Variants in FBXO34 observed in about 807,000 individuals in gnomAD.
FBXO34 encodes F-box protein 34.
In FBXO34, 12 loss-of-function variants were observed where a neutral mutation model predicts 24.5. The observed-to-expected ratio is 0.49, with a 90% confidence interval of 0.31 to 0.79. FBXO34 has a LOEUF of 0.79. Ranked by LOEUF, FBXO34 falls within the 30% of genes least tolerant of loss-of-function variation. The pLI is 0.04. For missense variants in FBXO34, 823 were observed against 857.7 expected (o/e 0.96, Z 0.51); for synonymous variants, 320 against 311.9 (o/e 1.03, Z -0.27).
At chr14:55,299,180 A>G in intron 1 of FBXO34, 1 of 1,014,178 alleles carries the variant, frequency 9.9e-7, no homozygotes, top group Non-Finnish European at 1.6e-6. Flanking sequence ...CAGTCCCTCT[A>G]CCAAATGTTC....
the FBXO34 span, among the ~76,000 whole-genome samples, chr14:55,410,124 T>C: frequency 6.6e-6 from 1 of 152,190 alleles, no homozygotes; most frequent in African/African-American, 2.4e-5. Flanking sequence ...TGACATTTAC[T>C]GGGTTGGGAT....
intron 1 of FBXO34, among the ~76,000 whole-genome samples, chr14:55,291,932 C>T (rs372393138): frequency 2.2e-4 from 33 of 152,190 alleles, no homozygotes; most frequent in African/African-American, 7.5e-4. Context: ...CACCACCGCT[C>T]TCCAGCCTGC....
chr14:55,295,127 G>A (rs943393469), intron 1 of FBXO34, among the ~76,000 whole-genome samples: 1 of 152,226 alleles, frequency 6.6e-6, no homozygotes, highest in East Asian at 1.9e-4. Flanking sequence ...TTGCGCCATC[G>A]TAAAGTCAAA....
At chr14:55,295,341 A>G (rs920567124) in intron 1 of FBXO34, among the ~76,000 whole-genome samples, 2 of 144,894 alleles carry the variant, frequency 1.4e-5, no homozygotes, top group Non-Finnish European at 3.0e-5. Flanking sequence ...TTTTATGTAT[A>G]TTATCTATTC....
the FBXO34 span, among the ~76,000 whole-genome samples, chr14:55,406,533 G>A: frequency 5.3e-5 from 8 of 152,104 alleles, no homozygotes; most frequent in South Asian, 2.1e-4. Flanking sequence ...ATTGACAGTC[G>A]GTAAAAATCC....
the FBXO34 span, among the ~76,000 whole-genome samples, chr14:55,399,651 A>G: frequency 6.6e-6 from 1 of 152,234 alleles, no homozygotes; most frequent in African/African-American, 2.4e-5. Flanking sequence ...AAAATGAGAG[A>G]CTAATATAGT....
At chr14:55,381,916 A>G in the FBXO34 span, 2 of 1,526,864 alleles carry the variant, frequency 1.3e-6, no homozygotes, top group Non-Finnish European at 1.8e-6. Flanking sequence ...AATTTTACCT[A>G]TAACTCTCTC....
At chr14:55,411,948 G>T in the FBXO34 span, 3 of 832,540 alleles carry the variant, frequency 3.6e-6, no homozygotes. Context: ...CTCCGCCGCC[G>T]CGTGTTCCTG....
At chr14:55,313,205 A>G (rs1203047441) in intron 1 of FBXO34, among the ~76,000 whole-genome samples, 1 of 152,104 alleles carries the variant, frequency 6.6e-6, no homozygotes, top group East Asian at 1.9e-4. Flanking sequence ...ACAGATCTCT[A>G]AGGTAGGGGC....
intron 1 of FBXO34, among the ~76,000 whole-genome samples, chr14:55,336,625 C>T (rs548624015): frequency 3.9e-5 from 6 of 152,254 alleles, no homozygotes; most frequent in Admixed American, 3.9e-4. Flanking sequence ...CCCCACTTAG[C>T]CATCATGCAG....
At chr14:55,273,731 C>G (rs765614911) in intron 1 of FBXO34, among the ~76,000 whole-genome samples, 2 of 150,776 alleles carry the variant, frequency 1.3e-5, no homozygotes, top group African/African-American at 2.5e-5. Context: ...AAAATGGACG[C>G]TTGCATGTGT....
At chr14:55,429,377 G>A in the FBXO34 span, among the ~76,000 whole-genome samples, 1 of 152,184 alleles carries the variant, frequency 6.6e-6, no homozygotes, top group African/African-American at 2.4e-5. Context: ...GGGTGGGGCC[G>A]AGCAATCTGT....
At chr14:55,428,030 A>T in the FBXO34 span, among the ~76,000 whole-genome samples, 1 of 133,748 alleles carries the variant, frequency 7.5e-6, no homozygotes, top group Non-Finnish European at 1.5e-5. Context: ...GTGCTACAGC[A>T]TTCTTTTTTC....
intron 1 of FBXO34, among the ~76,000 whole-genome samples, chr14:55,344,466 A>G (rs1209975816): frequency 6.6e-6 from 1 of 150,966 alleles, no homozygotes; most frequent in African/African-American, 2.4e-5. Flanking sequence ...GTTTCTCTTG[A>G]CCAGACCTGA....
At chr14:55,296,639 A>T (rs1168334568) in intron 1 of FBXO34, among the ~76,000 whole-genome samples, 1 of 151,384 alleles carries the variant, frequency 6.6e-6, no homozygotes, top group Non-Finnish European at 1.5e-5. Context: ...CTTGTGATCC[A>T]CCTGCCTTGG....
chr14:55,282,351 T>G, intron 1 of FBXO34: 1 of 459,882 alleles, frequency 2.2e-6, no homozygotes, highest in Non-Finnish European at 4.4e-6. Flanking sequence ...GATTTTCTGC[T>G]TCTTGATAAG....
At chr14:55,415,130 C>T in the FBXO34 span, among the ~76,000 whole-genome samples, 1 of 152,184 alleles carries the variant, frequency 6.6e-6, no homozygotes, top group Non-Finnish European at 1.5e-5. Flanking sequence ...CTCCAGCTTC[C>T]AAATTATGCA....
At chr14:55,299,695 A>G (rs984001984) in intron 1 of FBXO34, among the ~76,000 whole-genome samples, 2 of 152,220 alleles carry the variant, frequency 1.3e-5, no homozygotes, top group Non-Finnish European at 2.9e-5. Flanking sequence ...TAAATATTGA[A>G]AATATTAAAA....
At chr14:55,346,382 G>A (rs1374168774) in intron 1 of FBXO34, among the ~76,000 whole-genome samples, 1 of 152,176 alleles carries the variant, frequency 6.6e-6, no homozygotes, top group African/African-American at 2.4e-5. Context: ...ATGAGATGTG[G>A]GGATCAGAAA....
Sources: gnomAD v4.1 joint callset for allele counts (sites outside exome capture counted in the v4.1 genomes callset) on GRCh38, gnomAD v4.1.1 for gene constraint, MANE v1.5 for transcripts, NCBI Gene and HGNC (gene_info 2026-07-23, HGNC 2026-07-21) for gene names.